RNF11: variants seen among roughly 807,000 people sequenced by gnomAD.
RNF11 encodes ring finger protein 11.
RNF11 carries 4 observed loss-of-function variants against 15.8 expected under a neutral mutation model. That is an observed-to-expected ratio of 0.25 (90% CI 0.12 to 0.58). RNF11 has a LOEUF of 0.58. Ranked by LOEUF, RNF11 falls within the 20% of genes least tolerant of loss-of-function variation. The pLI, the probability that RNF11 is intolerant of heterozygous loss-of-function variation, is 0.91. For synonymous variants in RNF11, 68 were observed against 72.3 expected, an observed-to-expected ratio of 0.94 and a Z score of 0.30; for missense variants, 139 against 194.4, an observed-to-expected ratio of 0.71 and a Z score of 1.70.
At chr1:51,245,930 T>A (rs1011969126) in intron 1 of RNF11, among the ~76,000 whole-genome samples, 2 of 152,176 alleles carry the variant, frequency 1.3e-5, no homozygotes, top group African/African-American at 4.8e-5. Flanking sequence ...ATCACTTCCC[T>A]CTTCATGTGC....
chr1:51,261,811 C>T (rs1046328941), intron 1 of RNF11, among the ~76,000 whole-genome samples: 7 of 152,120 alleles, frequency 4.6e-5, no homozygotes, highest in East Asian at 1.9e-4. Flanking sequence ...CCTCAGCCTC[C>T]GGAGTAGCTG....
rs539056304 is a variant in RNF11, at chr1:51,245,899, T to C, written c.123+9020T>C. Among the ~76,000 whole-genome samples, 3 of 152,314 alleles carry C rather than the reference T, an allele frequency of 2.0e-5. No homozygotes were observed. In the East Asian group the frequency reaches 5.8e-4, roughly 29 times the overall value. ...AATACAACACATCTCTAATTCTGAT[T>C]GTATCTGCAATCAACCTCTTATCAC... On this transcript the variant is annotated intron_variant, in intron 1 of 2. Transcript: ENST00000242719.
chr1:51,243,435 T>C (rs989575274), intron 1 of RNF11, among the ~76,000 whole-genome samples: 1 of 151,632 alleles, frequency 6.6e-6, no homozygotes, highest in East Asian at 1.9e-4. Flanking sequence ...ATGATTGTTA[T>C]TATTATTATT....
chr1:51,266,761 C>T (rs186043874), intron 1 of RNF11, among the ~76,000 whole-genome samples: 29 of 152,278 alleles, frequency 1.9e-4, no homozygotes, highest in Non-Finnish European at 2.9e-4. Flanking sequence ...CTGTGCCAGG[C>T]GCATTAGCAA....
At chr1:51,255,376 C>T (rs138079186) in intron 1 of RNF11, among the ~76,000 whole-genome samples, 2 of 152,222 alleles carry the variant, frequency 1.3e-5, no homozygotes, top group African/African-American at 4.8e-5. Flanking sequence ...CCACCTGCCT[C>T]AGCCTCCTGA....
At chr1:51,259,496 T>C (rs1646920812) in intron 1 of RNF11, among the ~76,000 whole-genome samples, 1 of 152,204 alleles carries the variant, frequency 6.6e-6, no homozygotes, top group African/African-American at 2.4e-5. Flanking sequence ...TTTTAAAAAA[T>C]GTTGTATAAT....
At chr1:51,265,520 A>G (rs1453416164) in intron 1 of RNF11, among the ~76,000 whole-genome samples, 1 of 152,114 alleles carries the variant, frequency 6.6e-6, no homozygotes, top group Admixed American at 6.5e-5. Flanking sequence ...TCTCTTTTGC[A>G]TGCAGACATA....
At chr1:51,267,822 C>T (rs1486739064) in intron 1 of RNF11, among the ~76,000 whole-genome samples, 1 of 152,190 alleles carries the variant, frequency 6.6e-6, no homozygotes, top group African/African-American at 2.4e-5. Flanking sequence ...CCTCTGCCTC[C>T]CGGGTTAAAG....
At chr1:51,263,465 G>A (rs922163086) in intron 1 of RNF11, among the ~76,000 whole-genome samples, 1 of 152,216 alleles carries the variant, frequency 6.6e-6, no homozygotes, top group African/African-American at 2.4e-5. Flanking sequence ...GTGTGTGTGT[G>A]TGTTTACACA....
At chr1:51,239,168 C>T (rs183172120) in intron 1 of RNF11, among the ~76,000 whole-genome samples, 1 of 152,240 alleles carries the variant, frequency 6.6e-6, no homozygotes, top group Non-Finnish European at 1.5e-5. Flanking sequence ...GCCTCCTATC[C>T]CCTTTCTTAA....
chr1:51,264,317 T>TATATATATATATATACACAC (rs376694497), intron 1 of RNF11, among the ~76,000 whole-genome samples: 1 of 75,516 alleles, frequency 1.3e-5, no homozygotes, highest in African/African-American at 5.7e-5. Context: ...TATATATATA[T>TATATATATATATATACACAC]ACACACACAC....
At chr1:51,237,065 C>T (rs973550562) in intron 1 of RNF11, among the ~76,000 whole-genome samples, 186 bp downstream of exon 1, 1 of 151,988 alleles carries the variant, frequency 6.6e-6, no homozygotes, top group Non-Finnish European at 1.5e-5. Flanking sequence ...CGCCTGCCCT[C>T]GGGCACCGTG....
chr1:51,258,999 ACATGTATCC>A (rs1213313068), intron 1 of RNF11, among the ~76,000 whole-genome samples: 1 of 152,226 alleles, frequency 6.6e-6, no homozygotes, highest in Non-Finnish European at 1.5e-5. Context: ...CAGAAAAAGG[ACATGTATCC>A]CATCCTTTAT....
chr1:51,237,442 G>GTGTATA (rs142160954), intron 1 of RNF11, among the ~76,000 whole-genome samples: 2 of 140,510 alleles, frequency 1.4e-5, no homozygotes, highest in African/African-American at 5.2e-5. Context: ...ATATATATGT[G>GTGTATA]TATATATATA....
chr1:51,248,381 T>G (rs1396984317), intron 1 of RNF11, among the ~76,000 whole-genome samples: 1 of 152,058 alleles, frequency 6.6e-6, no homozygotes, highest in Non-Finnish European at 1.5e-5. Flanking sequence ...TAATTTTGTA[T>G]TTTTAGTAGA....
chr1:51,260,944 A>G (rs919355824), intron 1 of RNF11, among the ~76,000 whole-genome samples: 7 of 152,184 alleles, frequency 4.6e-5, no homozygotes, highest in Admixed American at 2.6e-4. Context: ...GTTTGGAACA[A>G]ATTTGCTTAA....
In RNF11 at chr1:51,236,790, G is replaced by A; in HGVS notation, c.34G>A (p.Asp12Asn). 6.2e-7 allele frequency: 1 copy of A among 1,613,478 alleles called. No homozygotes were observed. The highest frequency in any genetic ancestry group is 8.5e-7 in the Non-Finnish European group (1 of 1,179,730). Residue 12 changes from aspartate to asparagine, a missense_variant, in exon 1 of 3, where the codon GAC becomes AAC. Asp to Asn is a conservative substitution (Grantham distance 23, BLOSUM62 1). Transcript: ENST00000242719. The stretch of plus-strand genomic sequence containing the variant: ...CTGCCTCAAATCCCCCACCTCGGAT[G>A]ACATCTCCCTGCTTCACGAGTCTCA... ...GNCLKSPTSD[D>N]ISLLHESQSD... is the part of the protein sequence containing the mutation.
At chr1:51,237,424 G>GTATATATATATATATGTGTATA (rs1425681453) in intron 1 of RNF11, among the ~76,000 whole-genome samples, 3 of 135,904 alleles carry the variant, frequency 2.2e-5, no homozygotes, top group South Asian at 4.5e-4. Flanking sequence ...GTGTGTGTGT[G>GTATATATATATATATGTGTATA]TATATATATA....
chr1:51,240,850 A>G (rs1646826261), intron 1 of RNF11, among the ~76,000 whole-genome samples: 1 of 151,380 alleles, frequency 6.6e-6, no homozygotes, highest in Non-Finnish European at 1.5e-5. Flanking sequence ...CTTTTTTGAG[A>G]CCAAGTCTCA....
Sources: allele counts gnomAD v4.1 joint callset (sites outside exome capture counted in the v4.1 genomes callset), GRCh38; gene constraint gnomAD v4.1.1; transcripts MANE v1.5; gene names NCBI Gene and HGNC (gene_info 2026-07-23, HGNC 2026-07-21).